FGF14: variants seen among roughly 807,000 people sequenced by gnomAD.
FGF14 encodes fibroblast growth factor 14.
FGF14 carries 5 observed loss-of-function variants against 25.5 expected under a neutral mutation model. The ratio of observed to expected loss-of-function variants is 0.20; its 90% CI spans 0.10 to 0.41. FGF14 has a LOEUF of 0.41. FGF14 is among the 10% of genes least tolerant of loss of function. The pLI, the probability that FGF14 is intolerant of heterozygous loss-of-function variation, is 1.00. For synonymous variants in FGF14, 138 were observed against 118.3 expected (o/e 1.17, Z -1.08); for missense variants, 222 against 320.1 (o/e 0.69, Z 2.34).
chr13:102,194,950 G>A (rs370129161), intron 1 of FGF14, among the ~76,000 whole-genome samples: 43 of 152,046 alleles, frequency 2.8e-4, no homozygotes, highest in African/African-American at 9.9e-4. Context: ...AGAAGGCAAC[G>A]GGATGACATA....
At chr13:101,843,000 C>G (rs758412654) in intron 3 of FGF14, among the ~76,000 whole-genome samples, 1 of 152,160 alleles carries the variant, frequency 6.6e-6, no homozygotes, top group East Asian at 1.9e-4. Context: ...TTCGTCTATA[C>G]GGAAACATAC....
chr13:102,356,385 G>T (rs1319398527), intron 1 of FGF14, among the ~76,000 whole-genome samples: 3 of 152,182 alleles, frequency 2.0e-5, no homozygotes, highest in Non-Finnish European at 4.4e-5. Flanking sequence ...AGAACTTCAG[G>T]TGTGAAAGAG....
chr13:102,120,621 CA>C (rs1264466646), intron 1 of FGF14, among the ~76,000 whole-genome samples: 1 of 151,712 alleles, frequency 6.6e-6, no homozygotes, highest in African/African-American at 2.4e-5. Context: ...TGCAGCTTTC[CA>C]AAAAAATGGT....
At chr13:102,023,043 G>GGGAC (rs2040745561) in intron 1 of FGF14, among the ~76,000 whole-genome samples, 1 of 146,192 alleles carries the variant, frequency 6.8e-6, no homozygotes, top group Admixed American at 6.9e-5. Flanking sequence ...AATATTTTCG[G>GGGAC]ACACACACAC....
intron 1 of FGF14, among the ~76,000 whole-genome samples, chr13:102,207,523 T>C (rs1198118773): frequency 6.7e-6 from 1 of 148,480 alleles, no homozygotes; most frequent in Non-Finnish European, 1.5e-5. Context: ...TCAAAGTATC[T>C]GAAAAGCATT....
intron 3 of FGF14, among the ~76,000 whole-genome samples, chr13:101,829,458 T>C (rs1434901340): frequency 6.6e-6 from 1 of 152,202 alleles, no homozygotes; most frequent in East Asian, 1.9e-4. Flanking sequence ...TAAAAAGTAG[T>C]GAATTATACT....
chr13:101,786,260 C>T (rs1467708972), intron 3 of FGF14, among the ~76,000 whole-genome samples: 1 of 152,094 alleles, frequency 6.6e-6, no homozygotes, highest in Non-Finnish European at 1.5e-5. Flanking sequence ...TTGTTTTCTC[C>T]CATTTCTCTG....
chr13:101,998,919 C>A (rs2039331553), intron 1 of FGF14, among the ~76,000 whole-genome samples: 1 of 152,066 alleles, frequency 6.6e-6, no homozygotes, highest in Non-Finnish European at 1.5e-5. Context: ...TATTAAACAC[C>A]CATTTTTTTC....
chr13:102,383,331 G>C (rs1223856459), intron 1 of FGF14, among the ~76,000 whole-genome samples: 1 of 152,052 alleles, frequency 6.6e-6, no homozygotes, highest in African/African-American at 2.4e-5. Flanking sequence ...ATGTTTATTT[G>C]TGGTGAAGTA....
At chr13:102,196,412 G>A (rs1232538723) in intron 1 of FGF14, among the ~76,000 whole-genome samples, 1 of 151,966 alleles carries the variant, frequency 6.6e-6, no homozygotes, top group African/African-American at 2.4e-5. Flanking sequence ...AAAGCCTCAG[G>A]AAAGAAAAAA....
chr13:102,094,159 T>C (rs2044290050), intron 1 of FGF14, among the ~76,000 whole-genome samples: 1 of 151,628 alleles, frequency 6.6e-6, no homozygotes. Flanking sequence ...GCAAAATACC[T>C]TTTTATCTTG....
At chr13:101,769,886 T>C (rs1172931243) in intron 3 of FGF14, among the ~76,000 whole-genome samples, 2 of 152,166 alleles carry the variant, frequency 1.3e-5, no homozygotes, top group African/African-American at 4.8e-5. Flanking sequence ...CATGGATACA[T>C]GTCATCATAT....
chr13:101,776,207 G>T (rs1175634295), intron 3 of FGF14, among the ~76,000 whole-genome samples: 1 of 152,152 alleles, frequency 6.6e-6, no homozygotes, highest in Non-Finnish European at 1.5e-5. Context: ...ATCTCTCTGA[G>T]TGAAAGCTGG....
intron 1 of FGF14, among the ~76,000 whole-genome samples, chr13:102,377,953 A>G (rs1318317617): frequency 6.6e-6 from 1 of 152,222 alleles, no homozygotes; most frequent in Non-Finnish European, 1.5e-5. Flanking sequence ...TAGGTCCTAA[A>G]GGCTTGCAAA....
intron 1 of FGF14, among the ~76,000 whole-genome samples, chr13:101,903,423 A>G (rs2031823535): frequency 6.6e-6 from 1 of 152,188 alleles, no homozygotes; most frequent in South Asian, 2.1e-4. Flanking sequence ...TACAGATTCG[A>G]ACCCTAGAAG....
chr13:102,158,454 G>T (rs1393955748), intron 1 of FGF14, among the ~76,000 whole-genome samples: 2 of 151,426 alleles, frequency 1.3e-5, no homozygotes, highest in African/African-American at 4.9e-5. Context: ...CTCACTCATA[G>T]GTGGGAATTG....
chr13:101,997,749 G>A (rs953159079), intron 1 of FGF14, among the ~76,000 whole-genome samples: 2 of 152,162 alleles, frequency 1.3e-5, no homozygotes, highest in African/African-American at 4.8e-5. Context: ...TTTAGAAGTT[G>A]CAGTATTTTG....
At chr13:101,879,627 T>C (rs1480670833) in intron 1 of FGF14, among the ~76,000 whole-genome samples, 1 of 152,212 alleles carries the variant, frequency 6.6e-6, no homozygotes, top group Non-Finnish European at 1.5e-5. Flanking sequence ...CTATGACATA[T>C]GTTTTTCTGT....
chr13:101,844,893 C>T, intron 3 of FGF14, among the ~76,000 whole-genome samples: 1 of 152,014 alleles, frequency 6.6e-6, no homozygotes, highest in East Asian at 1.9e-4. Flanking sequence ...AACTAACACT[C>T]CCGTGTCCCC....
Sources: allele counts gnomAD v4.1 joint callset (sites outside exome capture counted in the v4.1 genomes callset), GRCh38; gene constraint gnomAD v4.1.1; transcripts MANE v1.5; gene names NCBI Gene and HGNC (gene_info 2026-07-23, HGNC 2026-07-21).